The following SPECC1 variants were observed in gnomAD, a reference collection of about 807,000 sequenced individuals.
SPECC1 encodes cytospin-B.
Under a neutral mutation model 104.1 loss-of-function variants are expected in SPECC1, and 62 were observed. The observed-to-expected ratio is 0.60, with a 90% confidence interval of 0.49 to 0.74. The LOEUF (loss-of-function observed/expected upper bound fraction) is 0.74, where lower values mean the gene tolerates loss of function less well. Among genes scored for constraint, SPECC1 ranks in the 30% least tolerant of loss-of-function variants. The pLI, the probability that SPECC1 is intolerant of heterozygous loss-of-function variation, is 0.00. For missense variants in SPECC1, 1,306 were observed against 1,310.5 expected (o/e 1.00, Z 0.05); for synonymous variants, 513 against 501.6 (o/e 1.02, Z -0.30).
In SPECC1 at chr17:20,316,471, A is replaced by T. The variant is rs1393638369; in HGVS notation, c.*2406A>T. On this transcript the variant is annotated 3_prime_UTR_variant, in exon 15 of 15. Transcript: ENST00000395527. ...AACCTCCGCCGCCCGTGTTTAAGCG[A>T]TTCTCCTGCCTCAGCCTCCCATGTG... 1.0e-5 allele frequency: 2 copies of T among 191,670 alleles called. No homozygotes were observed. Among genetic ancestry groups the T allele is most frequent in the Non-Finnish European group, 1.1e-5 (1 of 91,746 alleles). The allele number at this position is 191,670 out of a possible 1,614,324, so 11.9% of individuals were successfully genotyped here. A position where few individuals can be genotyped will look rare whatever the true frequency, so the allele number is the denominator to read the frequency against.
At chr17:20,010,834 A>C (rs1313840250) in intron 1 of SPECC1, among the ~76,000 whole-genome samples, 1 of 152,210 alleles carries the variant, frequency 6.6e-6, no homozygotes, top group Non-Finnish European at 1.5e-5. Flanking sequence ...CTATCACATT[A>C]AGTACATTTC....
At chr17:20,144,591 C>T (rs1567875257) in intron 3 of SPECC1, among the ~76,000 whole-genome samples, 1 of 152,114 alleles carries the variant, frequency 6.6e-6, no homozygotes, top group African/African-American at 2.4e-5. Flanking sequence ...TATAATTTTC[C>T]TTTATATATA....
chr17:20,295,360 T>C (rs2041314264), intron 12 of SPECC1, among the ~76,000 whole-genome samples: 1 of 152,106 alleles, frequency 6.6e-6, no homozygotes, highest in South Asian at 2.1e-4. Flanking sequence ...TCATCCTTTT[T>C]ATGGCTGTAT....
intron 1 of SPECC1, among the ~76,000 whole-genome samples, chr17:20,025,620 G>A (rs999779556): frequency 2.0e-5 from 3 of 152,156 alleles, no homozygotes; most frequent in African/African-American, 4.8e-5. Flanking sequence ...CAGATGATGG[G>A]CATATGGGTT....
intron 7 of SPECC1, among the ~76,000 whole-genome samples, chr17:20,235,910 A>G (rs1320564867): frequency 6.6e-6 from 1 of 152,234 alleles, no homozygotes; most frequent in East Asian, 1.9e-4. Flanking sequence ...CAGCACGTGC[A>G]GACTCCACTG....
At chr17:20,087,296 G>A (rs2047214606) in intron 1 of SPECC1, among the ~76,000 whole-genome samples, 1 of 152,178 alleles carries the variant, frequency 6.6e-6, no homozygotes, top group Non-Finnish European at 1.5e-5. Flanking sequence ...AAGCATGACT[G>A]TGAGTTAAGA....
chr17:20,309,730 T>G (rs1355975268), intron 14 of SPECC1, among the ~76,000 whole-genome samples: 1 of 152,174 alleles, frequency 6.6e-6, no homozygotes, highest in African/African-American at 2.4e-5. Context: ...GACATGATTT[T>G]GTTCTTTTTA....
chr17:20,098,918 T>C (rs144867156), intron 2 of SPECC1, among the ~76,000 whole-genome samples: 20 of 152,340 alleles, frequency 1.3e-4, no homozygotes, highest in Non-Finnish European at 2.9e-4. Flanking sequence ...ACCTGCTACC[T>C]GGTAGGCACT....
intron 7 of SPECC1, among the ~76,000 whole-genome samples, chr17:20,233,926 A>G (rs1001499714): frequency 2.6e-5 from 4 of 152,216 alleles, no homozygotes; most frequent in Non-Finnish European, 5.9e-5. Context: ...ATGGTAAAAG[A>G]CAAGTCCTGA....
chr17:20,171,106 CTT>C (rs770130992), intron 3 of SPECC1, among the ~76,000 whole-genome samples: 70 of 152,294 alleles, frequency 4.6e-4, no homozygotes, highest in Admixed American at 7.8e-4. Context: ...ATTTTGGCCT[CTT>C]TTGCTCTCCC....
chr17:20,209,274 A>G (rs555693301), intron 4 of SPECC1, among the ~76,000 whole-genome samples: 7 of 152,298 alleles, frequency 4.6e-5, no homozygotes, highest in East Asian at 1.9e-4. Flanking sequence ...TGAGCAGTGC[A>G]TTCATCCACT....
At chr17:20,091,471 A>T (rs2047397247) in intron 1 of SPECC1, among the ~76,000 whole-genome samples, 1 of 152,104 alleles carries the variant, frequency 6.6e-6, no homozygotes, top group Non-Finnish European at 1.5e-5. Context: ...TCCTTGTTGT[A>T]GGGCTCCCCT....
At chr17:20,296,813 GCT>G (rs1055374067) in intron 12 of SPECC1, 146 bp from the exon 13 acceptor site, 4 of 648,758 alleles carry the variant, frequency 6.2e-6, no homozygotes, top group African/African-American at 1.8e-5. Flanking sequence ...CGTGAATTCG[GCT>G]CTCTGTCTGT....
chr17:20,091,274 G>A (rs2047389250), intron 1 of SPECC1, among the ~76,000 whole-genome samples: 1 of 152,156 alleles, frequency 6.6e-6, no homozygotes, highest in African/African-American at 2.4e-5. Context: ...GTGGCCATTT[G>A]CTGAAGTCTG....
chr17:20,305,236 A>C (rs1164411127), intron 13 of SPECC1, among the ~76,000 whole-genome samples: 2 of 152,138 alleles, frequency 1.3e-5, no homozygotes, highest in Admixed American at 1.3e-4. Context: ...CCAGGGAAGG[A>C]AGCAAAGGTT....
chr17:20,187,893 A>G (rs2035386782), intron 3 of SPECC1, among the ~76,000 whole-genome samples: 1 of 152,328 alleles, frequency 6.6e-6, no homozygotes, highest in East Asian at 1.9e-4. Context: ...TGGGGAAACA[A>G]AGCTGCCTGC....
intron 12 of SPECC1, among the ~76,000 whole-genome samples, chr17:20,264,857 A>G (rs1435886476): frequency 2.0e-5 from 3 of 152,196 alleles, no homozygotes; most frequent in East Asian, 3.8e-4. Flanking sequence ...GCTCCCACTT[A>G]TAAGTGAGAT....
At chr17:20,308,389 C>CAA (rs3072413) in intron 14 of SPECC1, among the ~76,000 whole-genome samples, 1,176 of 66,532 alleles carry the variant, frequency 0.018, 64 homozygotes, top group Non-Finnish European at 0.024. Flanking sequence ...AACTCCATCT[C>CAA]AAAAAAAAAA....
intron 1 of SPECC1, among the ~76,000 whole-genome samples, chr17:20,081,702 G>GCGC (rs1217862628): frequency 6.6e-6 from 1 of 152,134 alleles, no homozygotes; most frequent in African/African-American, 2.4e-5. Flanking sequence ...CCGGAATGTA[G>GCGC]AGCCCACGGG....
Sources: allele counts gnomAD v4.1 joint callset (sites outside exome capture counted in the v4.1 genomes callset), GRCh38; gene constraint gnomAD v4.1.1; transcripts MANE v1.5; gene names NCBI Gene and HGNC (gene_info 2026-07-23, HGNC 2026-07-21).